Variants in EPX observed in about 807,000 individuals in gnomAD.
The protein encoded by EPX is eosinophil peroxidase.
In EPX, 60 loss-of-function variants were observed where a neutral mutation model predicts 73.0. The ratio of observed to expected loss-of-function variants is 0.82; its 90% confidence interval spans 0.67 to 1.02. The LOEUF is 1.02. EPX is among the 50% of genes least tolerant of loss of function. EPX has a pLI of 0.00. For synonymous variants in EPX, 347 were observed against 389.2 expected (o/e 0.89, Z 1.28); for missense variants, 950 against 973.9 (o/e 0.98, Z 0.33).
chr17:58,193,883 T>G (rs1968217179), intron 4 of EPX, 52 bp downstream of exon 4: 4 of 1,605,490 alleles, frequency 2.5e-6, no homozygotes, highest in Non-Finnish European at 3.4e-6. Flanking sequence ...ACCTCTCCCT[T>G]CCTGCACCCA....
Position 58,192,878 on chromosome 17 carries a change from T to G in EPX, c.32T>G (p.Leu11Arg). MHLLPALAGVLATLVLAQPCE... is the reference protein window; with the variant it reads MHLLPALAGVRATLVLAQPCE... The stretch of plus-strand genomic sequence containing the variant: ...CTGCTCCCAGCCCTGGCAGGGGTCC[T>G]GGCCACACTCGTCCTCGCCCAGCCC... Residue 11 changes from leucine to arginine, a missense_variant, in exon 1 of 13, where the codon CTG (leucine) becomes CGG (arginine). Coordinates refer to ENST00000225371, the MANE Select transcript of EPX (RefSeq NM_000502.6). The G allele has an allele frequency of 1.9e-6, 3 of 1,614,106 alleles. No individual in the cohort carries two copies. The highest frequency in any genetic ancestry group is 2.5e-6 in the Non-Finnish European group (3 of 1,179,968).
In EPX at chr17:58,200,563, C is replaced by T. The variant is rs17222131; in HGVS notation, c.1708+168C>T. The stretch of plus-strand genomic sequence containing the variant: ...ATGTCCCAAAGCACTCCTGGAACAC[C>T]GCTTGCTGTCCTGCCATGGCTCCCC... On this transcript the variant is annotated intron_variant, in intron 10 of 12. Coordinates refer to ENST00000225371, the MANE Select transcript of EPX (RefSeq NM_000502.6). 3.2e-3 allele frequency among the ~76,000 whole-genome samples: 480 copies of T among 152,322 alleles called. 21 individuals carry two copies. In the East Asian group the frequency reaches 0.079, roughly 25 times the overall value.
chr17:58,200,184 A>G, intron 9 of EPX, 41 bp from the exon 10 acceptor site: 1 of 1,606,500 alleles, frequency 6.2e-7, no homozygotes, highest in Non-Finnish European at 8.5e-7. Flanking sequence ...AGCTTCCCAG[A>G]GGCTGGTCCA....
At position 58,197,185 on chromosome 17, in the gene EPX, C is replaced by T. The variant is rs750479790; in HGVS notation, c.1048C>T (p.Pro350Ser). ...RFQDNGRALL[P>S]FDNLHDDPCL... is the part of the protein sequence containing the mutation. ...TCAAGACAACGGCCGGGCCCTGCTG[C>T]CCTTCGACAACCTGCACGATGACCC... Residue 350 changes from proline to serine, a missense_variant, in exon 7 of 13, where the codon CCC becomes TCC. By Grantham distance (74) the Pro-to-Ser change is moderately conservative. Transcript: ENST00000225371. 4 of 1,613,824 alleles carry T rather than the reference C, an allele frequency of 2.5e-6. No homozygotes were observed. The highest frequency in any genetic ancestry group is 2.5e-6 in the Non-Finnish European group (3 of 1,180,028).
At chr17:58,201,165 C>G (rs1442829865) in intron 10 of EPX, among the ~76,000 whole-genome samples, 1 of 152,248 alleles carries the variant, frequency 6.6e-6, no homozygotes, top group Non-Finnish European at 1.5e-5. Context: ...CCTCCTACCT[C>G]CCTGTCTAGA....
intron 7 of EPX, among the ~76,000 whole-genome samples, chr17:58,198,367 G>A (rs892558942): frequency 1.3e-5 from 2 of 152,058 alleles, no homozygotes; most frequent in Non-Finnish European, 2.9e-5. Context: ...ACAGAGAGTC[G>A]GCCCCAACCC....
In EPX at chr17:58,204,413, G is replaced by A. The variant is rs778665047; in HGVS notation, c.2138G>A (p.Arg713Gln). The A allele has an allele frequency of 5.6e-6, 9 of 1,613,498 alleles. No homozygotes were observed. The Admixed American group carries it at 6.7e-5, about 12-fold the overall frequency. The change falls in exon 12 of 13, where the codon CGA becomes CAA. Residue 713 changes from arginine to glutamine, a missense_variant. Arg to Gln is a conservative substitution (Grantham distance 43). Transcript: ENST00000225371. The part of the protein sequence containing the change: ...RIPRLNLSAW[R>Q]GT ...CCCAGGTTGAACCTATCAGCCTGGC[G>A]AGGGACATGAGGCTTCTGCAGGTAA...
intron 8 of EPX, 148 bp from the exon 9 acceptor site, chr17:58,199,391 G>A: frequency 9.0e-7 from 1 of 1,111,126 alleles, no homozygotes; most frequent in Non-Finnish European, 1.3e-6. Flanking sequence ...CACCCTCTCT[G>A]GGCTTTGTAT....
chr17:58,198,997 C>G, intron 7 of EPX, 43 bp from the exon 8 acceptor site: 1 of 1,607,172 alleles, frequency 6.2e-7, no homozygotes, highest in Non-Finnish European at 8.5e-7. Context: ...AAAGACATTT[C>G]TCTGGGAAAG....
At chr17:58,199,828 A>T in intron 9 of EPX, 34 bp downstream of exon 9, 1 of 1,525,666 alleles carries the variant, frequency 6.6e-7, no homozygotes, top group Non-Finnish European at 8.9e-7. Context: ...AATGGGGGTG[A>T]GGGTGGGGAG....
chr17:58,196,353 C>T (rs1968256409), intron 6 of EPX, among the ~76,000 whole-genome samples: 1 of 152,182 alleles, frequency 6.6e-6, no homozygotes, highest in Non-Finnish European at 1.5e-5. Context: ...TGTAATCCAC[C>T]TGCCTCGGCC....
chr17:58,195,698 T>A lies in EPX; in HGVS notation c.801+528T>A, dbSNP rs894578928. ...GACACACGTGCACACACACACTCTC[T>A]CACACACACACACGTGCACACACAC... On this transcript the variant is annotated intron_variant, in intron 6 of 12. Coordinates refer to ENST00000225371, the MANE Select transcript of EPX (RefSeq NM_000502.6). 5.3e-5 allele frequency among the ~76,000 whole-genome samples: 8 copies of A among 151,568 alleles called. No homozygotes were observed. In the East Asian group the frequency reaches 7.8e-4, roughly 15 times the overall value.
At chr17:58,204,706 C>T (rs1968405917) in intron 12 of EPX, 30 bp from the exon 13 acceptor site, 1 of 463,006 alleles carries the variant, frequency 2.2e-6, no homozygotes, top group East Asian at 4.1e-5. Context: ...CAGTAAATTC[C>T]TGACTTATCC....
chr17:58,199,204 A>G lies in EPX; in HGVS notation c.1281+4A>G. The G allele has an allele frequency of 6.2e-7, 1 of 1,613,702 alleles. No individual in the cohort carries two copies. The highest frequency in any genetic ancestry group is 8.5e-7 in the Non-Finnish European group (1 of 1,179,660). On this transcript the variant is annotated splice_donor_region_variant and intron_variant, in intron 8 of 12. Transcript: ENST00000225371. Reference sequence around the variant, plus strand: ...GATCATGGGGGCCATGGTCCAGGTAAGGAGCTCTGCATCCCAGCATCCCCC... The same window carrying G: ...GATCATGGGGGCCATGGTCCAGGTAGGGAGCTCTGCATCCCAGCATCCCCC...
chr17:58,193,523 G>T lies in EPX; in HGVS notation c.323G>T (p.Arg108Leu), dbSNP rs753372093. Residue 108 changes from arginine (R) to leucine (L), a missense_variant, in exon 3 of 13, where the codon CGG becomes CTG. Coordinates refer to ENST00000225371, the MANE Select transcript of EPX (RefSeq NM_000502.6). ...CTTGAAGAGAAGTTACAACCCCAGCGGTCCGGACCCTTCAATGTCACTGGT... is the reference window on the plus strand; with the variant it reads ...CTTGAAGAGAAGTTACAACCCCAGCTGTCCGGACCCTTCAATGTCACTGGT... Reference protein sequence around the residue: ...GLLEEKLQPQRSGPFNVTDVL... With the variant: ...GLLEEKLQPQLSGPFNVTDVL... 3.1e-6 allele frequency: 5 copies of T among 1,614,000 alleles called. No individual in the cohort carries two copies. Among genetic ancestry groups the T allele is most frequent in the Non-Finnish European group, 4.2e-6 (5 of 1,180,034 alleles).
chr17:58,196,920 G>T lies in EPX; in HGVS notation c.802-19G>T. 1 of 1,610,058 alleles carries T rather than the reference G, an allele frequency of 6.2e-7. No individual in the cohort carries two copies. The stretch of plus-strand genomic sequence containing the variant: ...GCTATTGAGGGGGCCCCATGTCACT[G>T]TCTCCTCTTCCATCTCAGATCCCAC... On this transcript the variant is annotated intron_variant, in intron 6 of 12. Coordinates refer to ENST00000225371, the MANE Select transcript of EPX (RefSeq NM_000502.6).
chr17:58,195,804 C>T (rs567943262), intron 6 of EPX, among the ~76,000 whole-genome samples: 1 of 152,252 alleles, frequency 6.6e-6, no homozygotes, highest in South Asian at 2.1e-4. Flanking sequence ...CATGTGAGGG[C>T]CTCTGGATGG....
At position 58,196,958 on chromosome 17, in the gene EPX, G is replaced by C. The variant is rs748790405; in HGVS notation, c.821G>C (p.Arg274Pro). The C allele has an allele frequency of 1.2e-6, 2 of 1,613,630 alleles. No homozygotes were observed. The highest frequency in any genetic ancestry group is 1.7e-6 in the Non-Finnish European group (2 of 1,179,964). The part of the protein sequence containing the change: ...FPIKIPPNDP[R>P]IKNQRDCIPF... ...TCTCAGATCCCACCCAATGACCCCC[G>C]CATCAAGAACCAGCGTGACTGCATC... The change falls in exon 7 of 13, where the codon CGC becomes CCC. Residue 274 changes from arginine to proline, a missense_variant. Transcript: ENST00000225371.
chr17:58,203,965 A>C (rs1968386978), intron 11 of EPX, among the ~76,000 whole-genome samples: 1 of 144,910 alleles, frequency 6.9e-6, no homozygotes, highest in Admixed American at 6.8e-5. Flanking sequence ...AAAAAAAAAA[A>C]AAAAAGACCT....
Sources: allele counts gnomAD v4.1 joint callset (sites outside exome capture counted in the v4.1 genomes callset), GRCh38; gene constraint gnomAD v4.1.1; transcripts MANE v1.5; gene names NCBI Gene and HGNC (gene_info 2026-07-23, HGNC 2026-07-21).